The following BAZ2B variants were observed in gnomAD, a reference collection of about 807,000 sequenced individuals.
BAZ2B encodes bromodomain adjacent to zinc finger domain protein 2B.
In BAZ2B, 91 loss-of-function variants were observed where a neutral mutation model predicts 246.0. That is an observed-to-expected ratio of 0.37 (90% CI 0.31 to 0.44). BAZ2B has a LOEUF of 0.44. Ranked by LOEUF, BAZ2B falls within the 20% of genes least tolerant of loss-of-function variation. The probability of loss-of-function intolerance (pLI) is 1.00; values close to 1 mark genes in which losing one functional copy is unlikely to be tolerated. For missense variants in BAZ2B, 2,332 were observed against 2,533.7 expected (o/e 0.92, Z 1.71); for synonymous variants, 855 against 860.0 (o/e 0.99, Z 0.10).
intron 2 of BAZ2B, among the ~76,000 whole-genome samples, chr2:159,481,364 T>C (rs901887017): frequency 1.3e-5 from 2 of 151,796 alleles, no homozygotes; most frequent in Non-Finnish European, 2.9e-5. Flanking sequence ...AGAACAGGTA[T>C]AGATATGTAA....
chr2:159,671,322 G>T, the BAZ2B span, among the ~76,000 whole-genome samples: 2 of 151,878 alleles, frequency 1.3e-5, no homozygotes, highest in Admixed American at 1.3e-4. Context: ...TTCTCCCAAA[G>T]AACCATTTCA....
At chr2:159,677,595 A>C in the BAZ2B span, among the ~76,000 whole-genome samples, 1 of 152,194 alleles carries the variant, frequency 6.6e-6, no homozygotes, top group South Asian at 2.1e-4. Flanking sequence ...GTCATTAAAC[A>C]TCTGTGAGGA....
the BAZ2B span, among the ~76,000 whole-genome samples, chr2:159,704,960 C>T: frequency 6.6e-6 from 1 of 151,764 alleles, no homozygotes; most frequent in Admixed American, 6.6e-5. Context: ...GTTCGGCCTC[C>T]CAAAGTGATG....
rs1458011091 is a variant in BAZ2B, at chr2:159,385,383, G to A, written c.3472-14C>T. Reference sequence around the variant, plus strand: ...AGCTGTTTTAGCCTATAAAAGTTTGGCATTTTTATCAGTATTACTCACAAC... The same window carrying A: ...AGCTGTTTTAGCCTATAAAAGTTTGACATTTTTATCAGTATTACTCACAAC... On this transcript the variant is annotated splice_polypyrimidine_tract_variant and intron_variant, in intron 22 of 36. Transcript: ENST00000392783. 7.5e-6 allele frequency: 12 copies of A among 1,605,350 alleles called. No homozygotes were observed. The highest frequency in any genetic ancestry group is 1.7e-5 in the Admixed American group (1 of 59,776).
the BAZ2B span, among the ~76,000 whole-genome samples, chr2:159,695,967 G>T: frequency 6.6e-6 from 1 of 151,912 alleles, no homozygotes; most frequent in African/African-American, 2.4e-5. Context: ...CATCATGCTG[G>T]TCAGACTAGT....
At chr2:159,476,511 C>T (rs1470632089) in intron 3 of BAZ2B, among the ~76,000 whole-genome samples, 1 of 152,012 alleles carries the variant, frequency 6.6e-6, no homozygotes, top group Admixed American at 6.6e-5. Flanking sequence ...AGCTTCCAAC[C>T]ATCCACTAAC....
At position 159,337,482 on chromosome 2, in the gene BAZ2B, G is replaced by A. The variant is rs539654244; in HGVS notation, c.5660+85C>T. 2.9e-5 allele frequency: 46 copies of A among 1,611,142 alleles called. No individual in the cohort carries two copies. The African/African-American group carries it at 4.9e-4, about 17-fold the overall frequency. ...CCTACCCGTCACCATCACCACTAAC[G>A]GATGGTGCAGGAGCAGGGACAGTAA... On this transcript the variant is annotated intron_variant, in intron 32 of 36. Transcript: ENST00000392783.
intron 2 of BAZ2B, among the ~76,000 whole-genome samples, chr2:159,519,915 T>C (rs1213935126): frequency 6.6e-6 from 1 of 151,654 alleles, no homozygotes; most frequent in Non-Finnish European, 1.5e-5. Context: ...CAATCTATGA[T>C]GATGTTTAAT....
intron 2 of BAZ2B, among the ~76,000 whole-genome samples, chr2:159,549,002 G>A (rs756411674): frequency 2.0e-5 from 3 of 152,086 alleles, no homozygotes; most frequent in Non-Finnish European, 2.9e-5. Context: ...AACTAAGGCC[G>A]GGCGCGGTGG....
intron 26 of BAZ2B, among the ~76,000 whole-genome samples, chr2:159,373,681 A>G (rs1023497837): frequency 1.5e-4 from 23 of 152,094 alleles, no homozygotes; most frequent in Admixed American, 1.5e-3. Flanking sequence ...AAATATGAAA[A>G]ATCAGCTGGG....
chr2:159,635,219 G>T, the BAZ2B span, among the ~76,000 whole-genome samples: 1 of 152,250 alleles, frequency 6.6e-6, no homozygotes, highest in Non-Finnish European at 1.5e-5. Context: ...TTGGAATTTA[G>T]ATCATTCCCT....
the BAZ2B span, among the ~76,000 whole-genome samples, chr2:159,637,904 C>A: frequency 6.6e-6 from 1 of 152,340 alleles, no homozygotes; most frequent in East Asian, 1.9e-4. Flanking sequence ...GGCTCCCAGA[C>A]AGCATCTCTG....
chr2:159,516,256 A>AG (rs1307042396), intron 2 of BAZ2B: 1 of 152,160 alleles, frequency 6.6e-6, no homozygotes, highest in African/African-American at 2.4e-5. Flanking sequence ...AAAAAGACAT[A>AG]GAGTATAACA....
At chr2:159,585,107 A>C (rs1350908978) in intron 1 of BAZ2B, among the ~76,000 whole-genome samples, 1 of 152,182 alleles carries the variant, frequency 6.6e-6, no homozygotes, top group Non-Finnish European at 1.5e-5. Context: ...CAGACTAATA[A>C]AATAGCGTTT....
intron 10 of BAZ2B, among the ~76,000 whole-genome samples, chr2:159,430,224 G>A (rs575452850): frequency 6.6e-6 from 1 of 152,224 alleles, no homozygotes; most frequent in South Asian, 2.1e-4. Flanking sequence ...TGCCACCCAT[G>A]AAACAGCAAG....
chr2:159,498,962 T>C (rs2151085720), intron 2 of BAZ2B, among the ~76,000 whole-genome samples: 1 of 152,278 alleles, frequency 6.6e-6, no homozygotes, highest in Non-Finnish European at 1.5e-5. Flanking sequence ...CCTGGCCAAA[T>C]ACATAACAAA....
At chr2:159,641,859 A>C in the BAZ2B span, among the ~76,000 whole-genome samples, 1 of 152,146 alleles carries the variant, frequency 6.6e-6, no homozygotes, top group African/African-American at 2.4e-5. Context: ...TATTATTTTC[A>C]TATTTTTCCT....
intron 34 of BAZ2B, among the ~76,000 whole-genome samples, chr2:159,330,328 G>T (rs1374916373): frequency 1.3e-5 from 2 of 152,174 alleles, no homozygotes; most frequent in Admixed American, 1.3e-4. Context: ...AAGGTGGGGA[G>T]AAATCGATGA....
chr2:159,654,156 G>C, the BAZ2B span, among the ~76,000 whole-genome samples: 1 of 152,138 alleles, frequency 6.6e-6, no homozygotes, highest in East Asian at 1.9e-4. Flanking sequence ...ATTACATGTT[G>C]TAATATATTG....
Sources: gnomAD v4.1 joint callset for allele counts (sites outside exome capture counted in the v4.1 genomes callset) on GRCh38, gnomAD v4.1.1 for gene constraint, MANE v1.5 for transcripts, NCBI Gene and HGNC (gene_info 2026-07-23, HGNC 2026-07-21) for gene names.